SAXO2: variants seen among roughly 807,000 people sequenced by gnomAD.
SAXO2 encodes family with sequence similarity 154, member B.
In SAXO2, 17 loss-of-function variants were observed where a neutral mutation model predicts 18.7. That is an observed-to-expected ratio of 0.91 (90% CI 0.62 to 1.36). The LOEUF (loss-of-function observed/expected upper bound fraction) is 1.36, where lower values mean the gene tolerates loss of function less well. Among genes scored for constraint, SAXO2 ranks in the 40% most tolerant of loss-of-function variants. The pLI is 0.00. For missense variants in SAXO2, 486 were observed against 562.6 expected (o/e 0.86, Z 1.38); for synonymous variants, 163 against 181.2 (o/e 0.90, Z 0.81).
At chr15:82,280,752 T>A (rs1423605466) in intron 3 of SAXO2, among the ~76,000 whole-genome samples, 1 of 152,230 alleles carries the variant, frequency 6.6e-6, no homozygotes, top group African/African-American at 2.4e-5. Flanking sequence ...CTCTTAGCTT[T>A]ACCTCCTGGC....
chr15:82,263,196 A>G (rs1229559411), intron 1 of SAXO2: 2 of 1,455,672 alleles, frequency 1.4e-6, no homozygotes, highest in East Asian at 2.5e-5. Flanking sequence ...CAGGTAAGTA[A>G]TATATGTGAA....
rs2075147943 is a variant in SAXO2, at chr15:82,262,906, G to A, written c.27G>A (p.Trp9Ter). MGAKSMRS[W>*]CLCQICSCGR... The stretch of plus-strand genomic sequence containing the variant: ...TGGGAGCCAAGAGTATGAGGAGCTG[G>A]TGTCTGTGTCAGATTTGTAGCTGCG... The change falls in exon 1 of 4, where the codon TGG (tryptophan) becomes TGA (stop). Residue 9 changes from tryptophan to a stop codon, truncating the protein, a stop_gained. Transcript: ENST00000682753. LOFTEE classifies it high-confidence loss of function. 1 of 1,604,322 alleles carries A rather than the reference G, an allele frequency of 6.2e-7. No individual in the cohort carries two copies. The highest frequency in any genetic ancestry group is 1.3e-5 in the African/African-American group (1 of 74,712).
In SAXO2 at chr15:82,282,216, T is replaced by C. The variant is rs2141382114; in HGVS notation, c.531T>C (p.Phe177=). ...TGAAATTTGGAAATTCAACTACATT[T>C]CAGGATGATTTTGTTCCTCAGGAGA... ...PTVKFGNSTT[F]QDDFVPQEIK... The change falls in exon 4 of 4, where the codon TTT becomes TTC. Residue 177 remains phenylalanine (F), a synonymous_variant. Coordinates refer to ENST00000682753, the MANE Select transcript of SAXO2 (RefSeq NM_001348699.2). 1 of 1,614,168 alleles carries C rather than the reference T, an allele frequency of 6.2e-7. No individual in the cohort carries two copies. The highest frequency in any genetic ancestry group is 8.5e-7 in the Non-Finnish European group (1 of 1,180,006).
intron 3 of SAXO2, among the ~76,000 whole-genome samples, chr15:82,275,224 C>T (rs1041825787): frequency 1.6e-5 from 2 of 128,900 alleles, no homozygotes; most frequent in Admixed American, 8.2e-5. Context: ...AAACAGAAAT[C>T]CTGAACAGAT....
At chr15:82,279,379 AAGTC>A (rs1234640674) in intron 3 of SAXO2, among the ~76,000 whole-genome samples, 1 of 152,190 alleles carries the variant, frequency 6.6e-6, no homozygotes, top group Admixed American at 6.5e-5. Flanking sequence ...GAGGGAGAGA[AAGTC>A]AATTAAACAG....
chr15:82,277,463 A>G (rs2075325290), intron 3 of SAXO2, among the ~76,000 whole-genome samples: 1 of 152,218 alleles, frequency 6.6e-6, no homozygotes, highest in Non-Finnish European at 1.5e-5. Context: ...AAAAGTCAAA[A>G]TAGCCCTATA....
intron 3 of SAXO2, among the ~76,000 whole-genome samples, chr15:82,278,475 A>G (rs1366292104): frequency 6.6e-6 from 1 of 152,252 alleles, no homozygotes; most frequent in African/African-American, 2.4e-5. Context: ...AGACTTCAAC[A>G]CTGTCTCTAA....
At chr15:82,263,613 A>G (rs896869874) in intron 1 of SAXO2, among the ~76,000 whole-genome samples, 2 of 152,224 alleles carry the variant, frequency 1.3e-5, no homozygotes, top group African/African-American at 4.8e-5. Context: ...TTGTAATCCC[A>G]TTCAAAGAAA....
intron 2 of SAXO2, among the ~76,000 whole-genome samples, chr15:82,270,461 G>A (rs2075260492): frequency 6.6e-6 from 1 of 152,210 alleles, no homozygotes; most frequent in Admixed American, 6.5e-5. Context: ...AGCTGTATTA[G>A]GGAAGTGGCA....
chr15:82,262,914 G>A lies in SAXO2; in HGVS notation c.35G>A (p.Cys12Tyr), dbSNP rs1344858471. ...GAKSMRSWCL[C>Y]QICSCGRHHC... ...AAGAGTATGAGGAGCTGGTGTCTGTGTCAGATTTGTAGCTGCGGGTAAGAA... is the reference window on the plus strand; with the variant it reads ...AAGAGTATGAGGAGCTGGTGTCTGTATCAGATTTGTAGCTGCGGGTAAGAA... The change falls in exon 1 of 4, where the codon TGT (cysteine) becomes TAT (tyrosine). Residue 12 changes from cysteine (C) to tyrosine (Y), a missense_variant. Coordinates refer to ENST00000682753, the MANE Select transcript of SAXO2 (RefSeq NM_001348699.2). 6.2e-7 allele frequency: 1 copy of A among 1,604,658 alleles called. No homozygotes were observed. Among genetic ancestry groups the A allele is most frequent in the Non-Finnish European group, 8.5e-7 (1 of 1,175,544 alleles).
At chr15:82,274,488 G>C (rs534174317) in intron 3 of SAXO2, among the ~76,000 whole-genome samples, 17 of 152,048 alleles carry the variant, frequency 1.1e-4, no homozygotes, top group East Asian at 3.9e-4. Flanking sequence ...TGAATCACAA[G>C]GTCAGGAGTT....
chr15:82,271,652 G>A lies in SAXO2; in HGVS notation c.283G>A (p.Glu95Lys). The change falls in exon 3 of 4, where the codon GAA becomes AAA. Residue 95 changes from glutamate (E) to lysine (K), a missense_variant. Transcript: ENST00000682753. ...AGTTAAACAGCCTCGCCATGTGCCA[G>A]AAGAATATAAACCAAAACAAGGGAA... is the stretch of plus-strand genomic sequence containing the variant. The part of the protein sequence containing the change: ...EIVKQPRHVP[E>K]EYKPKQGKID... The A allele has an allele frequency of 3.1e-6, 5 of 1,613,978 alleles. No individual in the cohort carries two copies. Among genetic ancestry groups the A allele is most frequent in the Non-Finnish European group, 4.2e-6 (5 of 1,179,882 alleles).
At chr15:82,271,510 A>G in intron 2 of SAXO2, 93 bp from the exon 3 acceptor site, 1 of 1,088,000 alleles carries the variant, frequency 9.2e-7, no homozygotes, top group African/African-American at 1.6e-5. Context: ...TCCAGTAAAA[A>G]AGAAAAAAAA....
intron 3 of SAXO2, among the ~76,000 whole-genome samples, chr15:82,278,162 CAAG>C (rs749805585): frequency 1.3e-5 from 2 of 152,154 alleles, no homozygotes; most frequent in African/African-American, 2.4e-5. Flanking sequence ...AAAGGAAAAA[CAAG>C]AAGAAGAAGC....
intron 2 of SAXO2, among the ~76,000 whole-genome samples, chr15:82,267,226 A>G (rs2075227448): frequency 6.6e-6 from 1 of 152,216 alleles, no homozygotes; most frequent in Non-Finnish European, 1.5e-5. Flanking sequence ...TTAGGGACAC[A>G]CACATCAGTC....
intron 3 of SAXO2, chr15:82,272,221 G>A (rs1459235441): frequency 5.8e-6 from 1 of 172,288 alleles, no homozygotes; most frequent in African/African-American, 2.4e-5. Flanking sequence ...CTCCATTCAA[G>A]TCCTGAACCA....
intron 2 of SAXO2, among the ~76,000 whole-genome samples, chr15:82,271,044 G>A (rs1166606310): frequency 2.6e-5 from 4 of 152,120 alleles, no homozygotes; most frequent in African/African-American, 9.7e-5. Context: ...AGGACTTCTG[G>A]GAGATCCAAA....
At chr15:82,264,529 G>T (rs571220779) in intron 1 of SAXO2, 2 of 622,030 alleles carry the variant, frequency 3.2e-6, no homozygotes, top group African/African-American at 3.7e-5. Flanking sequence ...TGATATATTG[G>T]TCAAGGTTCT....
chr15:82,272,295 C>A (rs2075279050), intron 3 of SAXO2, among the ~76,000 whole-genome samples: 1 of 152,138 alleles, frequency 6.6e-6, no homozygotes. Flanking sequence ...TGATAAAGGA[C>A]AAAGTAGAGA....
Sources: gnomAD v4.1 joint callset for allele counts (sites outside exome capture counted in the v4.1 genomes callset) on GRCh38, gnomAD v4.1.1 for gene constraint, MANE v1.5 for transcripts, NCBI Gene and HGNC (gene_info 2026-07-23, HGNC 2026-07-21) for gene names.